SOX5: variants seen among roughly 807,000 people sequenced by gnomAD.
SOX5 encodes the protein SRY-box transcription factor 5.
A neutral mutation model predicts 92.0 loss-of-function variants in SOX5; 9 were observed. The ratio of observed to expected loss-of-function variants is 0.10; its 90% CI spans 0.06 to 0.17. SOX5 has a LOEUF of 0.17. Among genes scored for constraint, SOX5 ranks in the 10% least tolerant of loss-of-function variants. SOX5 has a pLI of 1.00. For missense variants in SOX5, 642 were observed against 944.5 expected (o/e 0.68, Z 4.20); for synonymous variants, 344 against 336.3 (o/e 1.02, Z -0.25).
chr12:24,280,302 T>C (rs1260219127), intron 2 of SOX5, among the ~76,000 whole-genome samples: 2 of 152,128 alleles, frequency 1.3e-5, no homozygotes, highest in Non-Finnish European at 2.9e-5. Flanking sequence ...CTTTCAACAC[T>C]GTGCCGTGAA....
At chr12:24,391,817 G>A (rs748451054) in intron 1 of SOX5, among the ~76,000 whole-genome samples, 7 of 152,166 alleles carry the variant, frequency 4.6e-5, no homozygotes, top group Non-Finnish European at 8.8e-5. Context: ...TTCTTAAAAG[G>A]TAACATATAG....
chr12:24,409,516 T>TACAG (rs2136759299), intron 1 of SOX5, among the ~76,000 whole-genome samples: 1 of 152,352 alleles, frequency 6.6e-6, no homozygotes, highest in Non-Finnish European at 1.5e-5. Context: ...AACATTTATA[T>TACAG]ACAGGTTTTT....
At chr12:23,781,527 T>C (rs2095279367) in intron 3 of SOX5, among the ~76,000 whole-genome samples, 1 of 152,100 alleles carries the variant, frequency 6.6e-6, no homozygotes, top group South Asian at 2.1e-4. Context: ...TTAGAGTAAT[T>C]CAAAAACTAC....
chr12:23,757,312 A>G (rs930177061), intron 3 of SOX5, among the ~76,000 whole-genome samples: 3 of 152,090 alleles, frequency 2.0e-5, no homozygotes, highest in Admixed American at 2.0e-4. Context: ...TAATACCGAA[A>G]AATTTACTTT....
intron 1 of SOX5, among the ~76,000 whole-genome samples, chr12:24,509,171 A>G (rs1949077338): frequency 6.6e-6 from 1 of 152,222 alleles, no homozygotes; most frequent in South Asian, 2.1e-4. Context: ...CCTTATTTTT[A>G]AAATGAAGCC....
At chr12:23,742,880 GC>G (rs1449304322) in intron 4 of SOX5, among the ~76,000 whole-genome samples, 1 of 151,942 alleles carries the variant, frequency 6.6e-6, no homozygotes, top group Non-Finnish European at 1.5e-5. Flanking sequence ...TGTAATCCCA[GC>G]TACTTGGTAG....
chr12:23,755,988 G>A (rs953917238), intron 3 of SOX5, among the ~76,000 whole-genome samples: 6 of 151,784 alleles, frequency 4.0e-5, no homozygotes, highest in African/African-American at 1.5e-4. Flanking sequence ...GCGGTTCATT[G>A]TTTTTCAATT....
intron 2 of SOX5, among the ~76,000 whole-genome samples, chr12:24,326,519 T>C (rs192693932): frequency 6.6e-6 from 1 of 152,190 alleles, no homozygotes; most frequent in East Asian, 1.9e-4. Context: ...GTGTCTGGCA[T>C]ATAGTTGGTG....
At chr12:24,204,878 C>T (rs1322368765) in intron 4 of SOX5, among the ~76,000 whole-genome samples, 1 of 152,136 alleles carries the variant, frequency 6.6e-6, no homozygotes, top group Non-Finnish European at 1.5e-5. Flanking sequence ...TTTACCTCCT[C>T]TCACTGCCTA....
intron 4 of SOX5, among the ~76,000 whole-genome samples, chr12:24,160,805 A>G (rs1952679142): frequency 6.6e-6 from 1 of 152,046 alleles, no homozygotes; most frequent in South Asian, 2.1e-4. Flanking sequence ...CTAGACAGTA[A>G]AGATATGATA....
intron 3 of SOX5, among the ~76,000 whole-genome samples, chr12:24,272,128 A>G (rs972452616): frequency 3.3e-5 from 5 of 152,228 alleles, no homozygotes; most frequent in Admixed American, 6.5e-5. Flanking sequence ...AATATGGTAT[A>G]TCTCATCATT....
Position 23,970,840 on chromosome 12 carries a change from A to ATATATAT in SOX5, c.-1-74817_-1-74816insATATATA. Among the ~76,000 whole-genome samples the ATATATAT allele has an allele frequency of 8.7e-4, 29 of 33,416 alleles. 1 individual carries two copies. Among genetic ancestry groups the ATATATAT allele is most frequent in the Admixed American group, 1.3e-3 (3 of 2,262 alleles). The allele number at this position is 33,416 out of a possible 152,430, so 21.9% of individuals were successfully genotyped here. On this transcript the variant is annotated intron_variant, in intron 4 of 4. Coordinates refer to the SOX5 transcript ENST00000446891. The stretch of plus-strand genomic sequence containing the variant: ...CACATGGGACTTTATATATATATAT[A>ATATATAT]ATTTTTTTTTTTTTTTAAGAAATGG...
intron 4 of SOX5, among the ~76,000 whole-genome samples, chr12:23,752,794 T>C (rs907831776): frequency 6.6e-6 from 1 of 151,868 alleles, no homozygotes; most frequent in African/African-American, 2.4e-5. Context: ...AATACTTCTT[T>C]TGGGCAGCTA....
intron 2 of SOX5, among the ~76,000 whole-genome samples, chr12:24,310,075 A>C (rs190792308): frequency 6.6e-6 from 1 of 152,302 alleles, no homozygotes; most frequent in East Asian, 1.9e-4. Flanking sequence ...ACTTCCCATC[A>C]TATCTGCGTG....
chr12:23,685,574 G>A (rs190778424), intron 6 of SOX5, among the ~76,000 whole-genome samples: 11 of 152,080 alleles, frequency 7.2e-5, no homozygotes, highest in South Asian at 4.2e-4. Flanking sequence ...TGTTAGTCTA[G>A]TAAGAACCTT....
chr12:24,224,543 A>ATG (rs146559550), intron 3 of SOX5, among the ~76,000 whole-genome samples: 5 of 151,222 alleles, frequency 3.3e-5, no homozygotes, highest in African/African-American at 9.7e-5. Context: ...CTGAGGATGT[A>ATG]TGTGTGTGTG....
chr12:23,578,192 T>C (rs1424757420), intron 9 of SOX5, among the ~76,000 whole-genome samples: 2 of 132,652 alleles, frequency 1.5e-5, no homozygotes, highest in African/African-American at 5.9e-5. Context: ...ATCTGAAACA[T>C]GACCTGTTCA....
chr12:23,711,188 T>G (rs2092015253), intron 6 of SOX5, among the ~76,000 whole-genome samples: 1 of 152,232 alleles, frequency 6.6e-6, no homozygotes, highest in African/African-American at 2.4e-5. Flanking sequence ...TGTGGCATAT[T>G]AGTTTGTCAC....
At chr12:23,567,732 A>C (rs1271001129) in intron 10 of SOX5, among the ~76,000 whole-genome samples, 2 of 152,092 alleles carry the variant, frequency 1.3e-5, no homozygotes, top group African/African-American at 4.8e-5. Context: ...CTAGGATTAC[A>C]GGCATGAGCC....
Sources: gnomAD v4.1 joint callset for allele counts (sites outside exome capture counted in the v4.1 genomes callset) on GRCh38, gnomAD v4.1.1 for gene constraint, MANE v1.5 for transcripts, NCBI Gene and HGNC (gene_info 2026-07-23, HGNC 2026-07-21) for gene names.